The following LIN52 variants were observed in gnomAD, a reference collection of about 807,000 sequenced individuals.
The protein encoded by LIN52 is lin-52 DREAM MuvB core complex component.
A neutral mutation model predicts 18.5 loss-of-function variants in LIN52; 4 were observed. That is an observed-to-expected ratio of 0.22 (90% CI 0.11 to 0.49). The LOEUF (loss-of-function observed/expected upper bound fraction) is 0.49. LIN52 is among the 20% of genes least tolerant of loss of function. The pLI is 0.97. For synonymous variants in LIN52, 34 were observed against 45.5 expected (o/e 0.75, Z 1.02); for missense variants, 102 against 139.5 (o/e 0.73, Z 1.35).
At chr14:74,173,084 T>G (rs1005099511) in intron 5 of LIN52, among the ~76,000 whole-genome samples, 6 of 152,228 alleles carry the variant, frequency 3.9e-5, no homozygotes, top group Non-Finnish European at 7.3e-5. Context: ...GCTTTTTGTA[T>G]AAAAAGCATT....
At chr14:74,116,394 T>A (rs997788508) in intron 5 of LIN52, among the ~76,000 whole-genome samples, 3 of 152,116 alleles carry the variant, frequency 2.0e-5, no homozygotes, top group African/African-American at 7.2e-5. Flanking sequence ...TACAGTAGAA[T>A]ACAATGTGGT....
At chr14:74,114,893 T>C (rs2060954989) in intron 5 of LIN52, among the ~76,000 whole-genome samples, 1 of 152,226 alleles carries the variant, frequency 6.6e-6, no homozygotes, top group African/African-American at 2.4e-5. Context: ...GTAGAATGAC[T>C]GACTTTTGTA....
chr14:74,156,541 G>A (rs1041887996), intron 5 of LIN52, among the ~76,000 whole-genome samples: 9 of 152,146 alleles, frequency 5.9e-5, no homozygotes, highest in Admixed American at 5.9e-4. Flanking sequence ...GCACATATTT[G>A]TGAGTTATAG....
At chr14:74,166,889 A>G (rs1268905223) in intron 5 of LIN52, among the ~76,000 whole-genome samples, 1 of 152,176 alleles carries the variant, frequency 6.6e-6, no homozygotes, top group African/African-American at 2.4e-5. Context: ...TTGACATGAC[A>G]TTGAATTGTA....
intron 5 of LIN52, among the ~76,000 whole-genome samples, chr14:74,175,705 GACACAT>G (rs1323639969): frequency 2.1e-5 from 1 of 48,676 alleles, no homozygotes; most frequent in Non-Finnish European, 4.1e-5. Flanking sequence ...TCTTAACACA[GACACAT>G]ACACACACAC....
At chr14:74,174,662 AG>A (rs1256137301) in intron 5 of LIN52, 3 of 152,092 alleles carry the variant, frequency 2.0e-5, no homozygotes, top group Admixed American at 2.0e-4. Flanking sequence ...TGGAAACTGA[AG>A]GTCAGAACTC....
chr14:74,098,845 G>A (rs148155677), intron 4 of LIN52, among the ~76,000 whole-genome samples: 2,417 of 152,226 alleles, frequency 0.016, 63 homozygotes, highest in African/African-American at 0.055. Context: ...ACCACGCCCC[G>A]CGTAAACTCT....
intron 5 of LIN52, among the ~76,000 whole-genome samples, chr14:74,152,426 TA>T (rs1162822978): frequency 2.0e-5 from 3 of 152,154 alleles, no homozygotes; most frequent in Admixed American, 6.5e-5. Context: ...TAGCCATCAT[TA>T]TGAGTACCTA....
At chr14:74,125,871 C>T (rs891869396) in intron 5 of LIN52, among the ~76,000 whole-genome samples, 5 of 123,812 alleles carry the variant, frequency 4.0e-5, no homozygotes, top group African/African-American at 1.6e-4. Context: ...GGGAACATCA[C>T]ACACCGGGGC....
At chr14:74,097,425 CTT>C (rs35249058) in intron 3 of LIN52, among the ~76,000 whole-genome samples, 2,934 of 133,494 alleles carry the variant, frequency 0.022, 55 homozygotes, top group African/African-American at 0.061. Flanking sequence ...TTTTCTTTTT[CTT>C]TTTTTTTTTT....
intron 5 of LIN52, among the ~76,000 whole-genome samples, chr14:74,165,871 C>A (rs916300695): frequency 7.3e-5 from 11 of 151,596 alleles, no homozygotes; most frequent in Middle Eastern, 3.4e-3. Context: ...CAGTCTCTGT[C>A]CCTCCGATTA....
chr14:74,130,277 G>GTTTTTTTTTTTGTTTTTTTTTTC (rs371965343), intron 5 of LIN52, among the ~76,000 whole-genome samples: 1 of 46,426 alleles, frequency 2.2e-5, no homozygotes, highest in Non-Finnish European at 3.5e-5. Context: ...GGCATTTTTT[G>GTTTTTTTTTTTGTTTTTTTTTTC]GTTTTTTTTT....
At chr14:74,119,157 T>G (rs1274253421) in intron 5 of LIN52, among the ~76,000 whole-genome samples, 1 of 136,534 alleles carries the variant, frequency 7.3e-6, no homozygotes, top group East Asian at 3.0e-4. Flanking sequence ...ATGGATTTTC[T>G]TTCTTTTTTT....
At chr14:74,097,599 AT>A (rs956846256) in intron 3 of LIN52, among the ~76,000 whole-genome samples, 194 bp from the exon 4 acceptor site, 11 of 151,280 alleles carry the variant, frequency 7.3e-5, no homozygotes, top group African/African-American at 2.4e-4. Flanking sequence ...CGCCTGGCTA[AT>A]TTTTTTTGTA....
At chr14:74,117,735 G>C (rs1019236535) in intron 5 of LIN52, among the ~76,000 whole-genome samples, 4 of 151,968 alleles carry the variant, frequency 2.6e-5, no homozygotes, top group Non-Finnish European at 4.4e-5. Context: ...ATTTCTTTCT[G>C]GTACTTTCCA....
intron 2 of LIN52, among the ~76,000 whole-genome samples, chr14:74,095,598 T>C (rs534256209): frequency 1.3e-5 from 2 of 152,302 alleles, no homozygotes; most frequent in East Asian, 3.9e-4. Flanking sequence ...TAAAATTGGA[T>C]TGACAGAACA....
At chr14:74,125,975 A>G (rs1255673960) in intron 5 of LIN52, among the ~76,000 whole-genome samples, 1 of 151,708 alleles carries the variant, frequency 6.6e-6, no homozygotes, top group Non-Finnish European at 1.5e-5. Flanking sequence ...CCAACATGGC[A>G]CATGTATACA....
At chr14:74,192,693 G>T in intron 5 of LIN52, 2 of 261,116 alleles carry the variant, frequency 7.7e-6, no homozygotes, top group South Asian at 4.5e-5. Context: ...AGCTCGTTGT[G>T]AACAACAGTA....
At chr14:74,095,332 A>G (rs1035452561) in intron 2 of LIN52, among the ~76,000 whole-genome samples, 3 of 151,362 alleles carry the variant, frequency 2.0e-5, no homozygotes, top group Non-Finnish European at 4.4e-5. Context: ...ACGGGGTTTC[A>G]CTATATTGCC....
Sources: gnomAD v4.1 joint callset for allele counts (sites outside exome capture counted in the v4.1 genomes callset) on GRCh38, gnomAD v4.1.1 for gene constraint, MANE v1.5 for transcripts, NCBI Gene and HGNC (gene_info 2026-07-23, HGNC 2026-07-21) for gene names.